The following SLC26A3 variants were observed in gnomAD, a reference collection of about 807,000 sequenced individuals.
SLC26A3 encodes chloride anion exchanger.
A neutral mutation model predicts 85.6 loss-of-function variants in SLC26A3; 64 were observed. That is an observed-to-expected ratio of 0.75 (90% CI 0.61 to 0.92). The LOEUF (loss-of-function observed/expected upper bound fraction) is 0.92. Ranked by LOEUF, SLC26A3 falls within the 40% of genes least tolerant of loss-of-function variation. The pLI is 0.00. For missense variants in SLC26A3, 922 were observed against 927.3 expected (o/e 0.99, Z 0.07); for synonymous variants, 349 against 336.0 (o/e 1.04, Z -0.42).
chr7:107,776,274 A>G (rs1794113273), intron 15 of SLC26A3, 178 bp downstream of exon 15: 2 of 644,054 alleles, frequency 3.1e-6, no homozygotes, highest in South Asian at 3.6e-5. Flanking sequence ...CCAACCTATT[A>G]ACAAACTCCC....
chr7:107,794,646 T>G, intron 1 of SLC26A3, 49 bp from the exon 2 acceptor site: 1 of 930,020 alleles, frequency 1.1e-6, no homozygotes, highest in South Asian at 1.4e-5. Context: ...GATAATGTGA[T>G]GCAATTTACA....
intron 1 of SLC26A3, among the ~76,000 whole-genome samples, chr7:107,801,498 G>C (rs1010820157): frequency 2.6e-5 from 4 of 152,208 alleles, no homozygotes; most frequent in African/African-American, 9.6e-5. Context: ...ACAGAGGCTA[G>C]AGGAGCCTCT....
intron 6 of SLC26A3, among the ~76,000 whole-genome samples, chr7:107,788,769 T>C (rs1794340752): frequency 7.0e-6 from 1 of 143,162 alleles, no homozygotes; most frequent in Admixed American, 7.5e-5. Flanking sequence ...TTCTTTTCTT[T>C]TTCTTTTTTC....
intron 2 of SLC26A3, 130 bp from the exon 3 acceptor site, chr7:107,794,011 C>A (rs1794452210): frequency 8.1e-7 from 1 of 1,236,818 alleles, no homozygotes. Flanking sequence ...CAGTAACATT[C>A]TTTACCCATA....
chr7:107,798,418 A>T (rs963078381), intron 1 of SLC26A3, among the ~76,000 whole-genome samples: 2 of 152,198 alleles, frequency 1.3e-5, no homozygotes, highest in East Asian at 3.9e-4. Context: ...GCCTCCAGTT[A>T]CGAGAACCTC....
chr7:107,802,742 C>CT (rs35087147), intron 1 of SLC26A3, among the ~76,000 whole-genome samples: 5,625 of 110,698 alleles, frequency 0.051, 219 homozygotes, highest in African/African-American at 0.077. Flanking sequence ...TTAAAGCTTG[C>CT]TTTTTTTTTT....
At chr7:107,794,638 TA>T (rs1794465765) in intron 1 of SLC26A3, 41 bp from the exon 2 acceptor site, 27 of 974,486 alleles carry the variant, frequency 2.8e-5, no homozygotes, top group Non-Finnish European at 4.4e-5. Flanking sequence ...AACTCAGAGA[TA>T]ATGTGATGCA....
At chr7:107,795,679 A>G (rs956244738) in intron 1 of SLC26A3, among the ~76,000 whole-genome samples, 1 of 152,100 alleles carries the variant, frequency 6.6e-6, no homozygotes, top group Admixed American at 6.5e-5. Flanking sequence ...CAGCTTCTCT[A>G]TTGTTCAATA....
chr7:107,766,333 G>A (rs941054490), intron 20 of SLC26A3, among the ~76,000 whole-genome samples: 1 of 152,106 alleles, frequency 6.6e-6, no homozygotes, highest in African/African-American at 2.4e-5. Flanking sequence ...TCAGACATGA[G>A]GTAAATGCTA....
intron 1 of SLC26A3, among the ~76,000 whole-genome samples, chr7:107,798,396 A>G (rs1404984452): frequency 2.0e-5 from 3 of 151,790 alleles, no homozygotes; most frequent in Non-Finnish European, 4.4e-5. Flanking sequence ...CCCATTTCCA[A>G]CCTGCAGACT....
intron 17 of SLC26A3, among the ~76,000 whole-genome samples, chr7:107,772,382 T>C (rs575361986): frequency 6.6e-6 from 1 of 152,290 alleles, no homozygotes; most frequent in African/African-American, 2.4e-5. Context: ...CTCAAACTCA[T>C]AAGAACAACT....
At position 107,767,843 on chromosome 7, in the gene SLC26A3, A is replaced by G; in HGVS notation, c.2128T>C (p.Phe710Leu). Residue 710 changes from phenylalanine (F) to leucine (L), a missense_variant, in exon 19 of 21, where the codon TTC becomes CTC. By Grantham distance (22) the Phe-to-Leu change is conservative. Coordinates refer to ENST00000340010, the MANE Select transcript of SLC26A3 (RefSeq NM_000111.3). ...AAAACAGCATCATGGATTGTTAAGA[A>G]AAATATTGAGCTTTTCACTTCACCA... The part of the protein sequence containing the change: ...FDGEVKSSIF[F>L]LTIHDAVLHI... The G allele has an allele frequency of 1.9e-6, 3 of 1,613,706 alleles. No individual in the cohort carries two copies. Among genetic ancestry groups the G allele is most frequent in the Non-Finnish European group, 2.5e-6 (3 of 1,179,724 alleles).
chr7:107,791,892 T>C lies in SLC26A3; in HGVS notation c.320A>G (p.Tyr107Cys), dbSNP rs1181302762. ...LVDIPPVYGLYASFFPAIIYL... is the reference protein window; with the variant it reads ...LVDIPPVYGLCASFFPAIIYL... ...GATTATGGCTGGGAAAAAGGATGCATACAACCCATAGACTGGGGGAATGTC... is the reference window on the plus strand; with the variant it reads ...GATTATGGCTGGGAAAAAGGATGCACACAACCCATAGACTGGGGGAATGTC... Residue 107 changes from tyrosine to cysteine, a missense_variant, in exon 4 of 21, where the codon TAT (tyrosine) becomes TGT (cysteine). Transcript: ENST00000340010. 4 of 1,613,698 alleles carry C rather than the reference T, an allele frequency of 2.5e-6. No individual in the cohort carries two copies. Among genetic ancestry groups the C allele is most frequent in the Non-Finnish European group, 1.7e-6 (2 of 1,179,818 alleles).
chr7:107,772,676 A>G (rs1170557574), intron 17 of SLC26A3, among the ~76,000 whole-genome samples: 1 of 152,174 alleles, frequency 6.6e-6, no homozygotes, highest in Non-Finnish European at 1.5e-5. Flanking sequence ...ATCATCAGTA[A>G]ACACTTTCAG....
At chr7:107,780,362 C>T (rs566733096) in intron 11 of SLC26A3, among the ~76,000 whole-genome samples, 33 of 152,250 alleles carry the variant, frequency 2.2e-4, no homozygotes, top group African/African-American at 7.7e-4. Flanking sequence ...TTTCCCAGGC[C>T]AGTACTAATC....
At chr7:107,794,636 G>A in intron 1 of SLC26A3, 39 bp from the exon 2 acceptor site, 1 of 985,340 alleles carries the variant, frequency 1.0e-6, no homozygotes, top group South Asian at 1.3e-5. Flanking sequence ...ATAACTCAGA[G>A]ATAATGTGAT....
rs1350644708 is a variant in SLC26A3 at position 107,768,878 on chromosome 7, CAGAG to C, written c.2063-974_2063-971del. 4.6e-5 allele frequency among the ~76,000 whole-genome samples: 7 copies of C among 152,138 alleles called. No homozygotes were observed. In the South Asian group the frequency reaches 6.2e-4, roughly 14 times the overall value. ...TCTGTTTACAGAAAGCTTTCAGTGA[CAGAG>C]GGAGAGGGAGCGTGGAGGGCATTGT... On this transcript the variant is annotated intron_variant, in intron 18 of 20. Coordinates refer to ENST00000340010, the MANE Select transcript of SLC26A3 (RefSeq NM_000111.3).
In SLC26A3 at chr7:107,789,690, T is replaced by C. The variant is rs386833486; in HGVS notation, c.571-2A>G. The C allele has an allele frequency of 6.4e-5, 103 of 1,612,528 alleles. No homozygotes were observed. The highest frequency in any genetic ancestry group is 8.3e-5 in the Non-Finnish European group (98 of 1,179,368). On this transcript the variant is annotated splice_acceptor_variant, in intron 5 of 20. Transcript: ENST00000340010. LOFTEE classifies it high-confidence loss of function. Reference sequence around the variant, plus strand: ...AATCCGCAGAATCCCAAAAGCCAACTGGAAAGAGAACAAAAGCCTTTGTCA... The same window carrying C: ...AATCCGCAGAATCCCAAAAGCCAACCGGAAAGAGAACAAAAGCCTTTGTCA...
intron 1 of SLC26A3, among the ~76,000 whole-genome samples, 171 bp from the exon 2 acceptor site, chr7:107,794,768 G>A (rs1217890806): frequency 2.0e-5 from 3 of 152,182 alleles, no homozygotes; most frequent in Non-Finnish European, 4.4e-5. Context: ...TGAGCTGGAC[G>A]TGGCTCTTTT....
Sources: gnomAD v4.1 joint callset for allele counts (sites outside exome capture counted in the v4.1 genomes callset) on GRCh38, gnomAD v4.1.1 for gene constraint, MANE v1.5 for transcripts, NCBI Gene and HGNC (gene_info 2026-07-23, HGNC 2026-07-21) for gene names.